Variants in FHIT observed in about 807,000 individuals in gnomAD.
FHIT encodes the protein bis(5'-adenosyl)-triphosphatase.
Under a neutral mutation model 17.9 loss-of-function variants are expected in FHIT, and 19 were observed. The observed-to-expected ratio is 1.06, with a 90% CI of 0.74 to 1.56. The LOEUF (loss-of-function observed/expected upper bound fraction) is 1.56, where lower values mean the gene tolerates loss of function less well. FHIT is among the 40% of genes most tolerant of loss of function. The pLI is 0.00. For missense variants in FHIT, 248 were observed against 189.2 expected, an observed-to-expected ratio of 1.31 and a Z score of -1.82; for synonymous variants, 81 against 69.7, an observed-to-expected ratio of 1.16 and a Z score of -0.81.
At chr3:61,054,607 T>C (rs928630113) in intron 2 of FHIT, among the ~76,000 whole-genome samples, 1 of 152,196 alleles carries the variant, frequency 6.6e-6, no homozygotes, top group Non-Finnish European at 1.5e-5. Context: ...ATTTCATCAA[T>C]ATAACTATTC....
chr3:61,175,806 C>T (rs1311859317), intron 2 of FHIT, among the ~76,000 whole-genome samples: 4 of 152,176 alleles, frequency 2.6e-5, no homozygotes, highest in African/African-American at 9.7e-5. Context: ...CCTACTGGTG[C>T]ATTGATCTTG....
Position 60,785,777 on chromosome 3 carries a change from A to ATTT in FHIT, c.-18+36141_-18+36142insAAA, listed in dbSNP as rs575882281. The stretch of plus-strand genomic sequence containing the variant: ...CAAGTATTTGCTGAAAACCAACCAT[A>ATTT]TTCTTAGTAAGAAGATGGGTGCTGT... On this transcript the variant is annotated intron_variant, in intron 4 of 9. Coordinates refer to ENST00000492590, the MANE Select transcript of FHIT (RefSeq NM_002012.4). Among the ~76,000 whole-genome samples the ATTT allele has an allele frequency of 3.9e-3, 589 of 152,256 alleles. 2 individuals carry two copies. The highest frequency in any genetic ancestry group is 7.0e-3 in the Non-Finnish European group (479 of 68,014).
chr3:60,895,067 C>G (rs180790357), intron 3 of FHIT, among the ~76,000 whole-genome samples: 35 of 152,276 alleles, frequency 2.3e-4, no homozygotes, highest in African/African-American at 8.4e-4. Flanking sequence ...AGTCTAGGAT[C>G]GCACTGGCTT....
At position 60,512,639 on chromosome 3, in the gene FHIT, G is replaced by A. The variant is rs183009417; in HGVS notation, c.103+24221C>T. On this transcript the variant is annotated intron_variant, in intron 5 of 9. Transcript: ENST00000492590. ...TCAACTAACCAAATGGTGAAACTTG[G>A]CATTGTCATTAGTGATGCCAATAGC... Among the ~76,000 whole-genome samples the A allele has an allele frequency of 1.5e-3, 236 of 152,298 alleles. 1 individual carries two copies. Among genetic ancestry groups the A allele is most frequent in the African/African-American group, 5.5e-3 (228 of 41,560 alleles).
intron 3 of FHIT, among the ~76,000 whole-genome samples, chr3:60,963,221 G>A (rs568014824): frequency 6.6e-6 from 1 of 152,248 alleles, no homozygotes; most frequent in East Asian, 1.9e-4. Context: ...TTGCATAGAG[G>A]TGTTTATAGT....
rs573604108 is a variant in FHIT at position 59,749,227 on chromosome 3, T to C, written c.*358A>G. ...ATAAGCAGGTGGACCAATCCAACGA[T>C]TGAATTTCCTTTAAAAAAGTAACTG... On this transcript the variant is annotated 3_prime_UTR_variant, in exon 10 of 10. Transcript: ENST00000492590. 31 of 230,280 alleles carry C rather than the reference T, an allele frequency of 1.3e-4. 1 individual carries two copies. The East Asian group carries it at 1.5e-3, about 11-fold the overall frequency. The allele number at this position is 230,280 out of a possible 1,614,324, so 14.3% of individuals were successfully genotyped here. A position where few individuals can be genotyped will look rare whatever the true frequency, so the allele number is the denominator to read the frequency against.
chr3:59,918,212 AC>A (rs1363347334), intron 8 of FHIT, among the ~76,000 whole-genome samples: 2 of 151,282 alleles, frequency 1.3e-5, no homozygotes, highest in African/African-American at 4.8e-5. Context: ...CTAGTTCAAC[AC>A]CTTGTTTTTT....
At chr3:60,647,792 T>C (rs1297729517) in intron 4 of FHIT, among the ~76,000 whole-genome samples, 1 of 152,142 alleles carries the variant, frequency 6.6e-6, no homozygotes, top group Non-Finnish European at 1.5e-5. Context: ...GTAGAATACA[T>C]ACAATGCAGA....
At chr3:61,146,021 A>T (rs191963829) in intron 2 of FHIT, among the ~76,000 whole-genome samples, 1 of 152,138 alleles carries the variant, frequency 6.6e-6, no homozygotes, top group African/African-American at 2.4e-5. Context: ...ATATTGAGCA[A>T]TTAAATCCTG....
At chr3:60,137,631 C>T (rs535018569) in intron 5 of FHIT, among the ~76,000 whole-genome samples, 1 of 152,254 alleles carries the variant, frequency 6.6e-6, no homozygotes, top group East Asian at 1.9e-4. Context: ...GCATGATGTC[C>T]TTGTAGGCAA....
At chr3:60,118,275 T>G (rs572668157) in intron 5 of FHIT, among the ~76,000 whole-genome samples, 31 of 151,612 alleles carry the variant, frequency 2.0e-4, no homozygotes, top group Admixed American at 2.0e-3. Flanking sequence ...TCCAGCTCAT[T>G]TTTAATTTTT....
At chr3:61,003,201 C>T (rs1047095118) in intron 3 of FHIT, among the ~76,000 whole-genome samples, 5 of 152,160 alleles carry the variant, frequency 3.3e-5, no homozygotes, top group Non-Finnish European at 7.3e-5. Flanking sequence ...AGTGTCTCTC[C>T]ATTGAGACCC....
At chr3:60,744,191 C>T (rs554193912) in intron 4 of FHIT, among the ~76,000 whole-genome samples, 1 of 142,654 alleles carries the variant, frequency 7.0e-6, no homozygotes, top group Admixed American at 7.3e-5. Context: ...TGACGAAAAA[C>T]GCGTTTTCCC....
intron 8 of FHIT, among the ~76,000 whole-genome samples, chr3:59,852,304 C>G (rs568695626): frequency 1.3e-5 from 2 of 152,236 alleles, no homozygotes; most frequent in African/African-American, 4.8e-5. Context: ...GTGTTTATAT[C>G]ACACATACTA....
chr3:60,654,790 A>G (rs994860877), intron 4 of FHIT, among the ~76,000 whole-genome samples: 32 of 152,354 alleles, frequency 2.1e-4, no homozygotes, highest in African/African-American at 7.5e-4. Context: ...ATTATTTCCA[A>G]CTTTGGAAAA....
intron 4 of FHIT, among the ~76,000 whole-genome samples, chr3:60,605,578 A>G (rs781801705): frequency 2.0e-5 from 3 of 152,214 alleles, no homozygotes; most frequent in Non-Finnish European, 2.9e-5. Context: ...ATGTCTTTTC[A>G]TTCATTTGTT....
At chr3:60,596,330 T>C (rs1046535368) in intron 4 of FHIT, among the ~76,000 whole-genome samples, 3 of 152,130 alleles carry the variant, frequency 2.0e-5, no homozygotes. Flanking sequence ...CTGCAGGCTC[T>C]CCTGAACCAC....
In FHIT at chr3:60,245,795, G is replaced by A. The variant is rs553537681; in HGVS notation, c.104-231643C>T. On this transcript the variant is annotated intron_variant, in intron 5 of 9. Transcript: ENST00000492590. ...ATGTTTAAAAATATAAATCAATATTGGCAACTGATCCAGAAACTATGGTAA... is the reference window on the plus strand; with the variant it reads ...ATGTTTAAAAATATAAATCAATATTAGCAACTGATCCAGAAACTATGGTAA... 3.9e-3 allele frequency among the ~76,000 whole-genome samples: 600 copies of A among 152,010 alleles called. 3 individuals carry two copies. Among genetic ancestry groups the A allele is most frequent in the South Asian group, 0.022 (106 of 4,818 alleles).
At chr3:60,756,732 C>T (rs880001771) in intron 4 of FHIT, among the ~76,000 whole-genome samples, 2 of 152,162 alleles carry the variant, frequency 1.3e-5, no homozygotes, top group Non-Finnish European at 2.9e-5. Context: ...CCGCATTATC[C>T]TTGCTTTTAT....
Sources: gnomAD v4.1 joint callset for allele counts (sites outside exome capture counted in the v4.1 genomes callset) on GRCh38, gnomAD v4.1.1 for gene constraint, MANE v1.5 for transcripts, NCBI Gene and HGNC (gene_info 2026-07-23, HGNC 2026-07-21) for gene names.